Variants in GPC5 observed in about 807,000 individuals in gnomAD.
GPC5 encodes glypican-5.
A neutral mutation model predicts 53.9 loss-of-function variants in GPC5; 47 were observed. That is an observed-to-expected ratio of 0.87 (90% CI 0.69 to 1.11). The LOEUF (loss-of-function observed/expected upper bound fraction) is 1.11, where lower values mean the gene tolerates loss of function less well. GPC5 is among the 50% of genes most tolerant of loss of function. The probability of loss-of-function intolerance (pLI) is 0.00; values close to 1 mark genes in which losing one functional copy is unlikely to be tolerated. For synonymous variants in GPC5, 286 were observed against 263.3 expected (o/e 1.09, Z -0.84); for missense variants, 748 against 713.1 (o/e 1.05, Z -0.56).
At chr13:92,244,722 T>C (rs1317544905) in intron 7 of GPC5, among the ~76,000 whole-genome samples, 3 of 152,160 alleles carry the variant, frequency 2.0e-5, no homozygotes, top group Non-Finnish European at 2.9e-5. Flanking sequence ...TTGTATACCA[T>C]TGTAAAAAAC....
chr13:91,985,295 A>G (rs1179433346), intron 6 of GPC5, among the ~76,000 whole-genome samples: 1 of 150,260 alleles, frequency 6.7e-6, no homozygotes, highest in African/African-American at 2.4e-5. Flanking sequence ...TTTGCTTGGT[A>G]TATGTTTTGT....
At chr13:91,630,302 G>A (rs1294439175) in intron 2 of GPC5, among the ~76,000 whole-genome samples, 2 of 152,070 alleles carry the variant, frequency 1.3e-5, no homozygotes, top group Non-Finnish European at 2.9e-5. Context: ...ACATTTCATA[G>A]GATGTTATTT....
chr13:92,498,765 A>G (rs1173057439), intron 7 of GPC5, among the ~76,000 whole-genome samples: 1 of 152,140 alleles, frequency 6.6e-6, no homozygotes, highest in Non-Finnish European at 1.5e-5. Context: ...TCATTATTCC[A>G]TAACTAATTT....
At chr13:92,404,444 T>G (rs2139340775) in intron 7 of GPC5, among the ~76,000 whole-genome samples, 1 of 152,286 alleles carries the variant, frequency 6.6e-6, no homozygotes, top group South Asian at 2.1e-4. Flanking sequence ...AAGCTTATTT[T>G]CACAAACAAA....
intron 2 of GPC5, among the ~76,000 whole-genome samples, chr13:91,628,290 TATA>T (rs974585307): frequency 2.0e-4 from 31 of 152,154 alleles, no homozygotes; most frequent in African/African-American, 7.2e-4. Flanking sequence ...CACAATAGTT[TATA>T]ATAATTACTA....
At chr13:92,807,406 G>T (rs915925956) in intron 7 of GPC5, among the ~76,000 whole-genome samples, 6 of 152,044 alleles carry the variant, frequency 3.9e-5, no homozygotes, top group African/African-American at 1.4e-4. Context: ...TTTTTTAGCT[G>T]TGCTTTGAAA....
intron 7 of GPC5, among the ~76,000 whole-genome samples, chr13:92,565,787 A>C (rs1330476595): frequency 2.6e-5 from 4 of 152,138 alleles, no homozygotes; most frequent in East Asian, 1.9e-4. Context: ...TATTGATTGA[A>C]GTTTCACCTT....
chr13:92,021,003 C>T (rs943835984), intron 6 of GPC5, among the ~76,000 whole-genome samples: 3 of 151,990 alleles, frequency 2.0e-5, no homozygotes, highest in Admixed American at 2.0e-4. Context: ...TTTGTGTACG[C>T]CATAAAATAA....
chr13:92,816,536 C>T (rs2138805054), intron 7 of GPC5, among the ~76,000 whole-genome samples: 1 of 152,146 alleles, frequency 6.6e-6, no homozygotes, highest in Non-Finnish European at 1.5e-5. Context: ...TGATCTGAGA[C>T]TCTTTTGCAA....
At chr13:91,863,280 T>G (rs1487162870) in intron 5 of GPC5, among the ~76,000 whole-genome samples, 1 of 152,154 alleles carries the variant, frequency 6.6e-6, no homozygotes, top group Non-Finnish European at 1.5e-5. Flanking sequence ...GACAGGTTGA[T>G]CATGGTTGTA....
At chr13:91,565,324 T>C (rs2031480285) in intron 2 of GPC5, among the ~76,000 whole-genome samples, 1 of 152,184 alleles carries the variant, frequency 6.6e-6, no homozygotes, top group Non-Finnish European at 1.5e-5. Context: ...TTAGAGTTTA[T>C]ACTGCTTCAA....
intron 7 of GPC5, among the ~76,000 whole-genome samples, chr13:92,510,329 A>G (rs1294397444): frequency 6.6e-6 from 1 of 152,182 alleles, no homozygotes; most frequent in Non-Finnish European, 1.5e-5. Context: ...AATGTCTACC[A>G]GCCTAATAAC....
intron 7 of GPC5, among the ~76,000 whole-genome samples, chr13:92,284,550 A>T (rs541026769): frequency 6.6e-6 from 1 of 152,214 alleles, no homozygotes; most frequent in Non-Finnish European, 1.5e-5. Context: ...ACCATGATCA[A>T]GTGGGCTTCA....
chr13:92,060,077 T>G (rs1055525819), intron 6 of GPC5: 1 of 152,068 alleles, frequency 6.6e-6, no homozygotes, highest in Non-Finnish European at 1.5e-5. Flanking sequence ...TTTATTAATA[T>G]TATAAATACA....
intron 7 of GPC5, among the ~76,000 whole-genome samples, chr13:92,822,091 T>C (rs1352733927): frequency 6.6e-6 from 1 of 152,180 alleles, no homozygotes; most frequent in African/African-American, 2.4e-5. Flanking sequence ...ATTTAGCCTC[T>C]TGTTATTTTT....
chr13:91,734,816 A>G (rs1392805676), intron 4 of GPC5, among the ~76,000 whole-genome samples: 1 of 151,202 alleles, frequency 6.6e-6, no homozygotes, highest in East Asian at 1.9e-4. Context: ...TTCATGGATG[A>G]GTTATTTTCT....
intron 7 of GPC5, among the ~76,000 whole-genome samples, chr13:92,421,466 G>A (rs937508508): frequency 1.3e-5 from 2 of 152,074 alleles, no homozygotes; most frequent in Admixed American, 6.5e-5. Context: ...TTGGGAGGCC[G>A]AGGCGGGTGG....
At chr13:92,052,029 G>A (rs998998719) in intron 6 of GPC5, among the ~76,000 whole-genome samples, 1 of 152,106 alleles carries the variant, frequency 6.6e-6, no homozygotes. Context: ...AGACACAGAG[G>A]GCTTGTGCCA....
chr13:91,971,314 C>A (rs1398328736), intron 6 of GPC5, among the ~76,000 whole-genome samples: 3 of 151,788 alleles, frequency 2.0e-5, no homozygotes, highest in Non-Finnish European at 4.4e-5. Context: ...GTGGTGATAT[C>A]CCCTTTATCA....
Sources: allele counts gnomAD v4.1 joint callset (sites outside exome capture counted in the v4.1 genomes callset), GRCh38; gene constraint gnomAD v4.1.1; transcripts MANE v1.5; gene names NCBI Gene and HGNC (gene_info 2026-07-23, HGNC 2026-07-21).